NTRK3: variants seen among roughly 807,000 people sequenced by gnomAD.
NTRK3 encodes neurotrophic receptor tyrosine kinase 3.
Under a neutral mutation model 91.7 loss-of-function variants are expected in NTRK3, and 24 were observed. The ratio of observed to expected loss-of-function variants is 0.26; its 90% CI spans 0.19 to 0.37. NTRK3 has a LOEUF of 0.37. Ranked by LOEUF, NTRK3 falls within the 10% of genes least tolerant of loss-of-function variation. The pLI, the probability that NTRK3 is intolerant of heterozygous loss-of-function variation, is 1.00. For missense variants in NTRK3, 880 were observed against 1,068.9 expected (o/e 0.82, Z 2.46); for synonymous variants, 483 against 404.0 (o/e 1.20, Z -2.34).
At position 88,255,172 on chromosome 15, in the gene NTRK3, G is replaced by T; in HGVS notation, c.248+734C>A. On this transcript the variant is annotated intron_variant, in intron 3 of 18. Transcript: ENST00000394480. The surrounding 1 kb of genome is among the most constrained non-coding windows in gnomAD (Gnocchi z 4.3). The stretch of plus-strand genomic sequence containing the variant: ...CCCTGCGCCATCCTGACTCGGAATA[G>T]TTCCGAGCAGTTATCAAAGCCCAAA... 6.6e-6 allele frequency among the ~76,000 whole-genome samples: 1 copy of T among 152,262 alleles called. No homozygotes were observed. The highest frequency in any genetic ancestry group is 1.5e-5 in the Non-Finnish European group (1 of 68,028).
chr15:87,941,552 C>T (rs991736506), intron 14 of NTRK3, among the ~76,000 whole-genome samples: 1 of 152,064 alleles, frequency 6.6e-6, no homozygotes, highest in Non-Finnish European at 1.5e-5. Context: ...CATCACAGTG[C>T]CTGGTTCATG....
chr15:87,933,205 A>G (rs764041220), intron 15 of NTRK3, 21 bp from the exon 16 acceptor site: 3 of 1,613,880 alleles, frequency 1.9e-6, no homozygotes, highest in African/African-American at 1.3e-5. Flanking sequence ...TGCAGGACAC[A>G]GGTGTTTAAC....
intron 17 of NTRK3, among the ~76,000 whole-genome samples, chr15:87,883,348 A>T (rs1164317847): frequency 6.7e-6 from 1 of 148,386 alleles, no homozygotes; most frequent in Non-Finnish European, 1.5e-5. Context: ...TATAGCAACA[A>T]TATATAAAAA....
chr15:87,884,856 C>A (rs1220700066), intron 17 of NTRK3, among the ~76,000 whole-genome samples: 2 of 151,908 alleles, frequency 1.3e-5, no homozygotes, highest in East Asian at 3.9e-4. Flanking sequence ...TATTTACTGA[C>A]AAAACGTTAG....
At chr15:88,245,686 G>T (rs576219495) in intron 3 of NTRK3, among the ~76,000 whole-genome samples, 2 of 151,792 alleles carry the variant, frequency 1.3e-5, no homozygotes, top group African/African-American at 4.9e-5. Flanking sequence ...GGAAGACAGA[G>T]AAAATAGTTT....
intron 3 of NTRK3, among the ~76,000 whole-genome samples, chr15:88,248,130 G>A (rs1455564243): frequency 1.3e-5 from 2 of 152,164 alleles, no homozygotes; most frequent in East Asian, 1.9e-4. Flanking sequence ...CTGGGACCCA[G>A]CCACCAGCTT....
chr15:88,006,995 C>A (rs1005329489), intron 14 of NTRK3, among the ~76,000 whole-genome samples: 1 of 152,046 alleles, frequency 6.6e-6, no homozygotes, highest in Non-Finnish European at 1.5e-5. Flanking sequence ...GCACTTGTGC[C>A]CACCTGTGTC....
intron 16 of NTRK3, among the ~76,000 whole-genome samples, chr15:87,931,669 G>A (rs959646249): frequency 1.3e-5 from 2 of 152,198 alleles, no homozygotes; most frequent in Non-Finnish European, 2.9e-5. Context: ...AGGTTTAGAA[G>A]GCTTAGAACA....
intron 15 of NTRK3, among the ~76,000 whole-genome samples, chr15:87,938,002 C>A (rs956362907): frequency 1.3e-4 from 20 of 152,048 alleles, no homozygotes; most frequent in African/African-American, 4.6e-4. Context: ...AGAAGGATCT[C>A]ATTCCCTCCT....
chr15:88,099,324 A>G (rs2049944538), intron 13 of NTRK3: 1 of 209,768 alleles, frequency 4.8e-6, no homozygotes, highest in African/African-American at 2.3e-5. Flanking sequence ...AAGAAAAAAG[A>G]TGATTTGGAG....
intron 3 of NTRK3, among the ~76,000 whole-genome samples, chr15:88,194,885 G>A (rs111289185): frequency 1.3e-5 from 2 of 151,992 alleles, no homozygotes; most frequent in Admixed American, 1.3e-4. Context: ...CAGGACCTTC[G>A]CATTTATTTT....
rs955963388 is a variant in NTRK3, at chr15:88,112,955, T to G, written c.1396+13316A>C. 2.6e-5 allele frequency among the ~76,000 whole-genome samples: 4 copies of G among 152,174 alleles called. No individual in the cohort carries two copies. In the South Asian group the frequency reaches 8.3e-4, roughly 32 times the overall value. On this transcript the variant is annotated intron_variant, in intron 13 of 18. Coordinates refer to ENST00000394480, the Ensembl canonical transcript of NTRK3. ...AGTGCGTGGCTGTGGCTATTCCTCC[T>G]TAGGCTGGGGGCTTAGAGGGACCTG...
intron 13 of NTRK3, among the ~76,000 whole-genome samples, chr15:88,080,652 G>A (rs2047959331): frequency 6.6e-6 from 1 of 152,188 alleles, no homozygotes; most frequent in Non-Finnish European, 1.5e-5. Context: ...AGTAGGTTTG[G>A]CTAAACCCCA....
intron 15 of NTRK3, among the ~76,000 whole-genome samples, chr15:87,936,677 C>G (rs1274506033): frequency 6.6e-6 from 1 of 151,776 alleles, no homozygotes; most frequent in East Asian, 1.9e-4. Flanking sequence ...AGTGGTAAAA[C>G]ACACACACGC....
exon 19 of NTRK3, chr15:87,866,687 A>G (rs932749933): frequency 5.2e-6 from 1 of 190,532 alleles, no homozygotes; most frequent in Non-Finnish European, 1.1e-5. Flanking sequence ...CAGCTCCTTC[A>G]GCAATTTCTT....
Position 87,993,448 on chromosome 15 carries a change from G to A in NTRK3, c.1585+39409C>T, listed in dbSNP as rs570051524. Among the ~76,000 whole-genome samples, 9 of 152,264 alleles carry A rather than the reference G, an allele frequency of 5.9e-5. No homozygotes were observed. The South Asian group carries it at 1.9e-3, about 32-fold the overall frequency. On this transcript the variant is annotated intron_variant, in intron 14 of 18. Transcript: ENST00000394480. ...TTGTGATGATGAAGAAGTTACTGAA[G>A]GTGATGAAGGGGAAAAGAAGACGGA...
intron 17 of NTRK3, among the ~76,000 whole-genome samples, chr15:87,922,078 T>C (rs777265075): frequency 4.6e-5 from 7 of 152,200 alleles, no homozygotes; most frequent in East Asian, 1.9e-4. Flanking sequence ...GCAGAAAGCA[T>C]GGTGGAACCC....
chr15:88,155,176 C>A (rs2043772973), intron 5 of NTRK3, among the ~76,000 whole-genome samples: 1 of 152,178 alleles, frequency 6.6e-6, no homozygotes, highest in African/African-American at 2.4e-5. Context: ...AGGAAGTTAT[C>A]ATGAATTATC....
intron 14 of NTRK3, chr15:87,977,273 A>T (rs2073808367): frequency 5.7e-6 from 1 of 175,962 alleles, no homozygotes; most frequent in Non-Finnish European, 1.2e-5. Context: ...TAAAAGAGTA[A>T]CAGGAAAACA....
Sources: gnomAD v4.1 joint callset for allele counts (sites outside exome capture counted in the v4.1 genomes callset) on GRCh38, gnomAD v4.1.1 for gene constraint, Gnocchi (gnomAD v3.1) non-coding constraint, MANE v1.5 for transcripts, NCBI Gene and HGNC (gene_info 2026-07-23, HGNC 2026-07-21) for gene names.